PRKAA1: variants seen among roughly 807,000 people sequenced by gnomAD.
PRKAA1 encodes 5'-AMP-activated protein kinase catalytic subunit alpha-1.
A neutral mutation model predicts 56.9 loss-of-function variants in PRKAA1; 23 were observed. The ratio of observed to expected loss-of-function variants is 0.40; its 90% CI spans 0.29 to 0.57. PRKAA1 has a LOEUF of 0.57. PRKAA1 is among the 20% of genes least tolerant of loss of function. PRKAA1 has a pLI of 0.39. For synonymous variants in PRKAA1, 226 were observed against 227.0 expected (o/e 1.00, Z 0.04); for missense variants, 413 against 679.7 (o/e 0.61, Z 4.36).
chr5:40,761,405 CA>C lies in PRKAA1; in HGVS notation c.*1372del, dbSNP rs1447105355. The C allele has an allele frequency of 6.6e-6, 1 of 151,888 alleles. No individual in the cohort carries two copies. The highest frequency in any genetic ancestry group is 2.4e-5 in the African/African-American group (1 of 41,330). The allele number at this position is 151,888 out of a possible 1,614,324, so 9.4% of individuals were successfully genotyped here. ...GTATGTCTGTAACATCCAAATGGTT[CA>C]GGGGGAAAAAAGCATATATACATAC... is the stretch of plus-strand genomic sequence containing the variant. On this transcript the variant is annotated 3_prime_UTR_variant, in exon 9 of 9. Coordinates refer to ENST00000397128, the MANE Select transcript of PRKAA1 (RefSeq NM_006251.6).
chr5:40,767,665 T>G lies in PRKAA1; in HGVS notation c.622A>C (p.Ile208Leu), dbSNP rs753368761. Reference protein sequence around the residue: ...GRLYAGPEVDIWSSGVILYAL... With the variant: ...GRLYAGPEVDLWSSGVILYAL... ...TAGAGAATAACCCCACTGCTCCATA[T>G]ATCTACCTCTGGGCCTGCATACAAT... Residue 208 changes from isoleucine (I) to leucine (L), a missense_variant, in exon 6 of 9, where the codon ATA becomes CTA. Transcript: ENST00000397128. 2.5e-6 allele frequency: 4 copies of G among 1,612,128 alleles called. No homozygotes were observed. Among genetic ancestry groups the G allele is most frequent in the Non-Finnish European group, 3.4e-6 (4 of 1,178,436 alleles).
In PRKAA1 at chr5:40,762,607, C is replaced by T. The variant is rs1213173333; in HGVS notation, c.*171G>A. On this transcript the variant is annotated 3_prime_UTR_variant, in exon 9 of 9. Transcript: ENST00000397128. ...ACAACAAAATGATCTTAATTCATTT[C>T]TGCATATTAGGCTTTTAACTATAAA... 6.6e-6 allele frequency: 5 copies of T among 756,064 alleles called. No individual in the cohort carries two copies. The Admixed American group carries it at 1.2e-4, about 18-fold the overall frequency. The allele number at this position is 756,064 out of a possible 1,614,324, so 46.8% of individuals were successfully genotyped here.
chr5:40,783,123 T>G (rs1389466028), intron 1 of PRKAA1, among the ~76,000 whole-genome samples: 1 of 152,088 alleles, frequency 6.6e-6, no homozygotes, highest in Non-Finnish European at 1.5e-5. Flanking sequence ...ATGATCAGGA[T>G]CTTTTCTTTT....
chr5:40,785,491 T>G (rs562251452), intron 1 of PRKAA1, among the ~76,000 whole-genome samples: 111 of 151,958 alleles, frequency 7.3e-4, no homozygotes, highest in Middle Eastern at 3.4e-3. Context: ...CCGCCCCCCC[T>G]CGGCCTCCCA....
intron 4 of PRKAA1, 92 bp downstream of exon 4, chr5:40,771,627 C>A (rs2112014199): frequency 1.6e-6 from 2 of 1,288,628 alleles, no homozygotes; most frequent in East Asian, 2.3e-5. Context: ...TTTATGTAAT[C>A]TTTTACAGTT....
chr5:40,768,278 G>A (rs1187687839), intron 5 of PRKAA1: 9 of 311,150 alleles, frequency 2.9e-5, no homozygotes, highest in East Asian at 1.7e-4. Context: ...TGAACTGATC[G>A]ATAAATATTA....
chr5:40,768,860 A>C (rs771072311), intron 5 of PRKAA1: 1 of 1,537,596 alleles, frequency 6.5e-7, no homozygotes, highest in Non-Finnish European at 8.7e-7. Context: ...AAAAAGCGAC[A>C]CTGTACAAAT....
chr5:40,764,753 T>C lies in PRKAA1; in HGVS notation c.1307A>G (p.Lys436Arg). Residue 436 changes from lysine to arginine, a missense_variant and splice_region_variant, in exon 7 of 9, where the codon AAG becomes AGG. This residue lies in a region of PRKAA1 where 139 missense variants were observed against 171.5 expected (regional missense o/e 0.81). Coordinates refer to ENST00000397128, the MANE Select transcript of PRKAA1 (RefSeq NM_006251.6). ...RAIKQLDYEW[K>R]VVNPYYLRVR... ...ATCAAAATGTTATTTCTTTCTTACC[T>C]TCCATTCATAATCCAATTGTTTGAT... The C allele has an allele frequency of 6.2e-7, 1 of 1,607,864 alleles. No homozygotes were observed. Among genetic ancestry groups the C allele is most frequent in the Non-Finnish European group, 8.5e-7 (1 of 1,175,136 alleles).
chr5:40,783,485 G>A (rs1465150763), intron 1 of PRKAA1, among the ~76,000 whole-genome samples: 1 of 152,082 alleles, frequency 6.6e-6, no homozygotes, highest in South Asian at 2.1e-4. Flanking sequence ...AAGGCCGAGT[G>A]CGGTGGCTCA....
intron 3 of PRKAA1, 115 bp downstream of exon 3, chr5:40,775,277 TTCTAAACAAATATATGAC>T: frequency 1.4e-6 from 1 of 740,004 alleles, no homozygotes; most frequent in Non-Finnish European, 2.3e-6. Flanking sequence ...TAGTTTATGA[TTCTAAACAAATATATGAC>T]TAAGGGAACT....
In PRKAA1 at chr5:40,775,603, G is replaced by T; in HGVS notation, c.270-100C>A. 1.6e-5 allele frequency: 15 copies of T among 938,310 alleles called. No homozygotes were observed. The South Asian group carries it at 2.6e-4, about 16-fold the overall frequency. The allele number at this position is 938,310 out of a possible 1,614,324, so 58.1% of individuals were successfully genotyped here. ...CTATAGTATACCAGGTACTAGGCTAGGAGCTAGAAAAACTGCAGGAAACAA... is the reference window on the plus strand; with the variant it reads ...CTATAGTATACCAGGTACTAGGCTATGAGCTAGAAAAACTGCAGGAAACAA... On this transcript the variant is annotated intron_variant, in intron 2 of 8. Coordinates refer to ENST00000397128, the MANE Select transcript of PRKAA1 (RefSeq NM_006251.6).
At chr5:40,777,251 G>A (rs1369071612) in intron 2 of PRKAA1, 194 bp downstream of exon 2, 2 of 462,906 alleles carry the variant, frequency 4.3e-6, no homozygotes, top group Non-Finnish European at 7.5e-6. Flanking sequence ...GACCTCAGGT[G>A]ATCCGCCTGC....
intron 5 of PRKAA1, among the ~76,000 whole-genome samples, chr5:40,768,087 C>G (rs1023426547): frequency 6.6e-6 from 1 of 152,152 alleles, no homozygotes; most frequent in African/African-American, 2.4e-5. Context: ...CACAAGACCC[C>G]TTACACCAAG....
In PRKAA1 at chr5:40,794,516, T is replaced by TCA. The variant is rs375590456; in HGVS notation, c.127+3546_127+3547insTG. On this transcript the variant is annotated intron_variant, in intron 1 of 8. Coordinates refer to ENST00000397128, the MANE Select transcript of PRKAA1 (RefSeq NM_006251.6). Reference sequence around the variant, plus strand: ...TTAGGTCCCATCTATTTATCTTTGTTTTTATTGCATTTGCTTTTGGGTTCT... The same window carrying TCA: ...TTAGGTCCCATCTATTTATCTTTGTTCATTTATTGCATTTGCTTTTGGGTTCT... Among the ~76,000 whole-genome samples the TCA allele has an allele frequency of 1.5e-5, 2 of 129,398 alleles. 1 individual carries two copies. Among genetic ancestry groups the TCA allele is most frequent in the Non-Finnish European group, 3.6e-5 (2 of 55,468 alleles). 84.9% of individuals were successfully genotyped at this position (129,398 alleles called of 152,430 possible).
intron 1 of PRKAA1, among the ~76,000 whole-genome samples, chr5:40,783,065 A>T (rs1481265132): frequency 6.6e-6 from 1 of 152,206 alleles, no homozygotes; most frequent in Non-Finnish European, 1.5e-5. Flanking sequence ...GTGCCCTGAC[A>T]GCCATGCCAA....
chr5:40,780,655 G>A (rs1744230712), intron 1 of PRKAA1, among the ~76,000 whole-genome samples: 1 of 152,166 alleles, frequency 6.6e-6, no homozygotes, highest in Non-Finnish European at 1.5e-5. Context: ...CCAGGACCCA[G>A]GGGGCTGCTG....
At chr5:40,775,605 A>T in intron 2 of PRKAA1, 102 bp from the exon 3 acceptor site, 1 of 925,272 alleles carries the variant, frequency 1.1e-6, no homozygotes, top group East Asian at 2.7e-5. Context: ...CTAGGCTAGG[A>T]GCTAGAAAAA....
chr5:40,793,487 C>A (rs1297032687), intron 1 of PRKAA1, among the ~76,000 whole-genome samples: 1 of 152,318 alleles, frequency 6.6e-6, no homozygotes, highest in East Asian at 1.9e-4. Context: ...TTCCTATAAG[C>A]ATGGAATATC....
chr5:40,790,834 C>T (rs1014329969), intron 1 of PRKAA1, among the ~76,000 whole-genome samples: 21 of 152,104 alleles, frequency 1.4e-4, no homozygotes, highest in Admixed American at 2.0e-4. Context: ...CCACCACACC[C>T]GGCCTTCAGT....
Sources: gnomAD v4.1 joint callset for allele counts (sites outside exome capture counted in the v4.1 genomes callset) on GRCh38, gnomAD v4.1.1 for gene constraint, gnomAD v4.1.1 regional missense constraint, MANE v1.5 for transcripts, NCBI Gene and HGNC (gene_info 2026-07-23, HGNC 2026-07-21) for gene names.